ZNF407: variants seen among roughly 807,000 people sequenced by gnomAD.
The protein encoded by ZNF407 is zinc finger protein 407.
ZNF407 carries 17 observed loss-of-function variants against 131.2 expected under a neutral mutation model. The ratio of observed to expected loss-of-function variants is 0.13; its 90% confidence interval spans 0.09 to 0.19. ZNF407 has a LOEUF of 0.19. Among genes scored for constraint, ZNF407 ranks in the 10% least tolerant of loss-of-function variants. The pLI is 1.00. For missense variants in ZNF407, 2,681 were observed against 2,830.6 expected, an observed-to-expected ratio of 0.95 and a Z score of 1.20; for synonymous variants, 1,156 against 1,062.0, an observed-to-expected ratio of 1.09 and a Z score of -1.72.
intron 3 of ZNF407, among the ~76,000 whole-genome samples, chr18:74,779,109 A>ATATATATATTTTTTTTTTTTTT (rs397943457): frequency 4.1e-5 from 1 of 24,376 alleles, no homozygotes; most frequent in Non-Finnish European, 7.2e-5. Flanking sequence ...ATATATATAT[A>ATATATATATTTTTTTTTTTTTT]TTTTTTTTTT....
chr18:75,063,019 A>C lies in ZNF407; in HGVS notation c.5429-131A>C, dbSNP rs2070073942. 1 of 819,020 alleles carries C rather than the reference A, an allele frequency of 1.2e-6. No individual in the cohort carries two copies. The highest frequency in any genetic ancestry group is 1.7e-5 in the African/African-American group (1 of 58,060). The allele number at this position is 819,020 out of a possible 1,614,324, so 50.7% of individuals were successfully genotyped here. On this transcript the variant is annotated intron_variant, in intron 8 of 8. Transcript: ENST00000299687. The surrounding 1 kb of genome is among the most constrained non-coding windows in gnomAD (Gnocchi z 6.6). ...CCCTGCTGAAGCTTGCACTGTAGAG[A>C]GCTCTTCAGGGTTTGGAATAGGGGG...
chr18:75,063,196 C>T lies in ZNF407; in HGVS notation c.5475C>T (p.Ala1825=). 6.2e-7 allele frequency: 1 copy of T among 1,609,278 alleles called. No individual in the cohort carries two copies. The highest frequency in any genetic ancestry group is 8.5e-7 in the Non-Finnish European group (1 of 1,177,698). The part of the protein sequence containing the change: ...SYECRLKGQG[A]TFVETDSPFT... The stretch of plus-strand genomic sequence containing the variant: ...AGTGCCGTCTAAAGGGACAAGGAGC[C>T]ACCTTCGTGGAGACAGACAGCCCCT... The change falls in exon 9 of 9, where the codon GCC becomes GCT. Residue 1825 remains alanine (A), a synonymous_variant. Transcript: ENST00000299687. The surrounding 1 kb of genome is among the most constrained non-coding windows in gnomAD (Gnocchi z 6.6).
chr18:74,885,854 A>G (rs1221529274), intron 6 of ZNF407, among the ~76,000 whole-genome samples: 1 of 152,240 alleles, frequency 6.6e-6, no homozygotes, highest in Non-Finnish European at 1.5e-5. Context: ...TTAAAACTAT[A>G]TAAATTCTAG....
chr18:75,029,888 C>T (rs1973219578), intron 8 of ZNF407, among the ~76,000 whole-genome samples: 1 of 152,214 alleles, frequency 6.6e-6, no homozygotes, highest in South Asian at 2.1e-4. Context: ...AGGATGAATT[C>T]TTGCAACAGA....
chr18:74,925,065 T>G (rs892424067), intron 8 of ZNF407, among the ~76,000 whole-genome samples: 1 of 152,238 alleles, frequency 6.6e-6, no homozygotes. Context: ...CAAGGTGTTC[T>G]CTTTTCAGGG....
intron 8 of ZNF407, among the ~76,000 whole-genome samples, chr18:74,952,083 C>T (rs933663147): frequency 6.6e-6 from 1 of 152,102 alleles, no homozygotes; most frequent in Admixed American, 6.5e-5. Flanking sequence ...AAGTAAGACC[C>T]CTGCCCCTTA....
chr18:74,841,423 G>C (rs778363873), intron 4 of ZNF407, among the ~76,000 whole-genome samples: 5 of 152,002 alleles, frequency 3.3e-5, no homozygotes, highest in Non-Finnish European at 7.4e-5. Flanking sequence ...AGTGAGGCCC[G>C]TCCTTACTGT....
At chr18:74,892,470 C>T (rs917818532) in intron 7 of ZNF407, among the ~76,000 whole-genome samples, 2 of 152,158 alleles carry the variant, frequency 1.3e-5, no homozygotes, top group Non-Finnish European at 2.9e-5. Flanking sequence ...GATGAGCGTC[C>T]GCCCTTGTTT....
At chr18:74,741,271 G>C (rs537686565) in intron 3 of ZNF407, among the ~76,000 whole-genome samples, 1 of 152,128 alleles carries the variant, frequency 6.6e-6, no homozygotes, top group Admixed American at 6.6e-5. Flanking sequence ...CACTTATGTG[G>C]ACTTATGTTC....
chr18:74,972,957 A>G (rs906612286), intron 8 of ZNF407, among the ~76,000 whole-genome samples: 6 of 152,196 alleles, frequency 3.9e-5, no homozygotes, highest in Non-Finnish European at 7.3e-5. Context: ...ACCTATTGAT[A>G]CGCTAGGTCT....
At chr18:74,976,046 G>T (rs1248899382) in intron 8 of ZNF407, among the ~76,000 whole-genome samples, 1 of 152,084 alleles carries the variant, frequency 6.6e-6, no homozygotes, top group Non-Finnish European at 1.5e-5. Context: ...TGTATAATCT[G>T]GTCGTAATAT....
At chr18:74,725,253 A>G (rs573643691) in intron 3 of ZNF407, among the ~76,000 whole-genome samples, 2 of 152,314 alleles carry the variant, frequency 1.3e-5, no homozygotes, top group South Asian at 4.1e-4. Context: ...CTCTCAGCTC[A>G]GACTCCCTGA....
intron 6 of ZNF407, among the ~76,000 whole-genome samples, chr18:74,888,046 T>C (rs894372665): frequency 2.0e-5 from 3 of 152,170 alleles, no homozygotes; most frequent in Non-Finnish European, 2.9e-5. Flanking sequence ...GATAGCCAAA[T>C]TGATAAAGAG....
intron 8 of ZNF407, among the ~76,000 whole-genome samples, chr18:74,970,036 G>A (rs1972454589): frequency 6.6e-6 from 1 of 152,088 alleles, no homozygotes; most frequent in South Asian, 2.1e-4. Context: ...TTCTTTCATG[G>A]CGGCAGCAAG....
chr18:74,985,773 A>G (rs1451793793), intron 8 of ZNF407, among the ~76,000 whole-genome samples: 8 of 152,096 alleles, frequency 5.3e-5, no homozygotes, highest in Non-Finnish European at 1.2e-4. Context: ...AGTACAAAAA[A>G]CTGTCATTGC....
intron 4 of ZNF407, among the ~76,000 whole-genome samples, chr18:74,840,127 A>G (rs955804285): frequency 1.3e-5 from 2 of 152,178 alleles, no homozygotes; most frequent in African/African-American, 2.4e-5. Flanking sequence ...GTCCTCTTCA[A>G]TATACACATG....
chr18:74,719,549 G>A (rs973389398), intron 3 of ZNF407, among the ~76,000 whole-genome samples: 7 of 152,090 alleles, frequency 4.6e-5, no homozygotes, highest in Non-Finnish European at 1.5e-5. Context: ...ACAGGCACCC[G>A]CCACCACGCC....
chr18:74,735,572 A>G (rs76709098), intron 3 of ZNF407, among the ~76,000 whole-genome samples: 1,756 of 152,344 alleles, frequency 0.012, 7 homozygotes, highest in Non-Finnish European at 0.017. Context: ...TCAACCGTTG[A>G]GGAGAGTGCC....
intron 4 of ZNF407, among the ~76,000 whole-genome samples, chr18:74,843,822 T>C (rs576107938): frequency 6.6e-6 from 1 of 152,332 alleles, no homozygotes; most frequent in Admixed American, 6.5e-5. Context: ...CATGTTCCAC[T>C]TGTGTTTATT....
Sources: gnomAD v4.1 joint callset for allele counts (sites outside exome capture counted in the v4.1 genomes callset) on GRCh38, gnomAD v4.1.1 for gene constraint, Gnocchi (gnomAD v3.1) non-coding constraint, MANE v1.5 for transcripts, NCBI Gene and HGNC (gene_info 2026-07-23, HGNC 2026-07-21) for gene names.